NOX4: variants seen among roughly 807,000 people sequenced by gnomAD.
NOX4 encodes the protein kidney oxidase-1.
Under a neutral mutation model 87.6 loss-of-function variants are expected in NOX4, and 69 were observed. The observed-to-expected ratio is 0.79, with a 90% CI of 0.65 to 0.96. The LOEUF (loss-of-function observed/expected upper bound fraction) is 0.96. Among genes scored for constraint, NOX4 ranks in the 40% least tolerant of loss-of-function variants. NOX4 has a pLI of 0.00. For missense variants in NOX4, 680 were observed against 681.5 expected (o/e 1.00, Z 0.02); for synonymous variants, 275 against 238.2 (o/e 1.15, Z -1.42).
At chr11:89,545,228 A>G in the NOX4 span, 1 of 152,126 alleles carries the variant, frequency 6.6e-6, no homozygotes, top group East Asian at 1.9e-4. Context: ...AGTTCTGTGT[A>G]TGTTTTTCTG....
the NOX4 span, among the ~76,000 whole-genome samples, chr11:89,511,567 A>C: frequency 5.3e-5 from 8 of 152,006 alleles, no homozygotes; most frequent in African/African-American, 1.9e-4. Flanking sequence ...CTAATTGCTA[A>C]CAGAAATTCC....
At chr11:89,514,080 C>G in the NOX4 span, among the ~76,000 whole-genome samples, 1 of 151,870 alleles carries the variant, frequency 6.6e-6, no homozygotes, top group African/African-American at 2.4e-5. Flanking sequence ...CAGCACAGAA[C>G]GAAATAAGAC....
At chr11:89,347,834 G>A (rs1946284249) in intron 13 of NOX4, among the ~76,000 whole-genome samples, 1 of 152,160 alleles carries the variant, frequency 6.6e-6, no homozygotes, top group African/African-American at 2.4e-5. Context: ...TTGCCAAGTA[G>A]CTAGTGTGCT....
At chr11:89,496,580 T>TA (rs58129167), upstream of NOX4, among the ~76,000 whole-genome samples, 31,387 of 144,266 alleles carry the variant, frequency 0.22, 4,178 homozygotes, top group African/African-American at 0.39. Context: ...AATAGAGCTG[T>TA]AAAAAAAAAA....
chr11:89,491,543 C>T (rs1946858325), upstream of NOX4: 1 of 418,230 alleles, frequency 2.4e-6, no homozygotes, highest in Non-Finnish European at 4.2e-6. Context: ...GTCTGCTCCG[C>T]CGCGCCGGCC....
the NOX4 span, among the ~76,000 whole-genome samples, chr11:89,515,310 T>G: frequency 6.6e-6 from 1 of 152,028 alleles, no homozygotes. Flanking sequence ...CTAATAAGTA[T>G]TTATAATGCT....
the NOX4 span, among the ~76,000 whole-genome samples, chr11:89,541,821 T>C: frequency 6.6e-6 from 1 of 152,140 alleles, no homozygotes; most frequent in East Asian, 1.9e-4. Context: ...ATACTATTCA[T>C]TTATTTCTTT....
chr11:89,462,985 T>C (rs17195409), intron 2 of NOX4, among the ~76,000 whole-genome samples: 12,201 of 151,970 alleles, frequency 0.08, 642 homozygotes, highest in Non-Finnish European at 0.12. Flanking sequence ...TGTAAATTAC[T>C]CACAATGTTC....
At chr11:89,331,752 T>C (rs932342055) in intron 17 of NOX4, among the ~76,000 whole-genome samples, 2 of 151,614 alleles carry the variant, frequency 1.3e-5, no homozygotes, top group Non-Finnish European at 2.9e-5. Context: ...ATAATAAAAA[T>C]CATTATTTTT....
intron 8 of NOX4, among the ~76,000 whole-genome samples, chr11:89,415,065 G>C (rs577136098): frequency 4.6e-5 from 7 of 152,022 alleles, no homozygotes; most frequent in African/African-American, 1.4e-4. Context: ...TGTGACTTTA[G>C]ACAGTTACTT....
intron 7 of NOX4, among the ~76,000 whole-genome samples, chr11:89,427,748 G>A (rs1042222672): frequency 4.6e-5 from 7 of 152,268 alleles, no homozygotes; most frequent in East Asian, 1.9e-4. Context: ...TCTGATTGGC[G>A]TACCTGAAAG....
intron 6 of NOX4, among the ~76,000 whole-genome samples, chr11:89,438,952 T>C (rs1194844459): frequency 1.2e-5 from 1 of 80,740 alleles, no homozygotes; most frequent in African/African-American, 4.5e-5. Flanking sequence ...TATTATTTTA[T>C]ATATAATAAT....
At chr11:89,528,167 G>C in the NOX4 span, among the ~76,000 whole-genome samples, 1 of 152,148 alleles carries the variant, frequency 6.6e-6, no homozygotes, top group Non-Finnish European at 1.5e-5. Context: ...TAGCCACTTC[G>C]TTTTGGCCAA....
At chr11:89,491,446 C>A, upstream of NOX4, 1 of 539,064 alleles carries the variant, frequency 1.9e-6, no homozygotes, top group Non-Finnish European at 3.2e-6. Context: ...TTTCCGGGCG[C>A]CCTGACTCCC....
chr11:89,352,535 C>T (rs993728608), intron 13 of NOX4, among the ~76,000 whole-genome samples: 3 of 152,138 alleles, frequency 2.0e-5, no homozygotes, highest in Non-Finnish European at 1.5e-5. Context: ...CTTCTAGATG[C>T]TATTAAGAAC....
the NOX4 span, among the ~76,000 whole-genome samples, chr11:89,518,376 G>C: frequency 2.9e-5 from 3 of 102,944 alleles, no homozygotes; most frequent in East Asian, 2.9e-4. Flanking sequence ...AAAGTCTTGG[G>C]GGGGGGACAA....
chr11:89,337,190 G>A (rs931032773), intron 16 of NOX4, among the ~76,000 whole-genome samples: 102 of 152,024 alleles, frequency 6.7e-4, no homozygotes, highest in Middle Eastern at 3.4e-3. Context: ...TGTGTAGTCT[G>A]AATTTTAGAA....
At chr11:89,523,014 G>A in the NOX4 span, among the ~76,000 whole-genome samples, 6 of 151,994 alleles carry the variant, frequency 3.9e-5, no homozygotes, top group East Asian at 3.9e-4. Flanking sequence ...AGTACAGAAC[G>A]CTTTTTTTTT....
chr11:89,535,731 T>C, the NOX4 span, among the ~76,000 whole-genome samples: 1 of 152,034 alleles, frequency 6.6e-6, no homozygotes, highest in Non-Finnish European at 1.5e-5. Context: ...GAGTGTAGCA[T>C]ATATACAGAT....
Sources: gnomAD v4.1 joint callset for allele counts (sites outside exome capture counted in the v4.1 genomes callset) on GRCh38, gnomAD v4.1.1 for gene constraint, MANE v1.5 for transcripts, NCBI Gene and HGNC (gene_info 2026-07-23, HGNC 2026-07-21) for gene names.